SETBP1: variants seen among roughly 807,000 people sequenced by gnomAD.
The protein encoded by SETBP1 is SET-binding protein.
Under a neutral mutation model 101.0 loss-of-function variants are expected in SETBP1, and 9 were observed. The observed-to-expected ratio is 0.09, with a 90% CI of 0.05 to 0.16. The LOEUF is 0.16. SETBP1 is among the 10% of genes least tolerant of loss of function. The pLI, the probability that SETBP1 is intolerant of heterozygous loss-of-function variation, is 1.00. For synonymous variants in SETBP1, 818 were observed against 788.5 expected, an observed-to-expected ratio of 1.04 and a Z score of -0.63; for missense variants, 1,858 against 2,033.8, an observed-to-expected ratio of 0.91 and a Z score of 1.66.
intron 1 of SETBP1, among the ~76,000 whole-genome samples, chr18:44,694,489 G>A (rs894290622): frequency 6.6e-6 from 1 of 152,196 alleles, no homozygotes; most frequent in African/African-American, 2.4e-5. Context: ...TGGGATTACA[G>A]ACATGCGCCA....
intron 2 of SETBP1, among the ~76,000 whole-genome samples, chr18:44,840,428 G>A (rs927452380): frequency 2.0e-5 from 3 of 152,204 alleles, no homozygotes; most frequent in Non-Finnish European, 4.4e-5. Context: ...GCCAAGCATG[G>A]CCCACTTTTA....
intron 2 of SETBP1, among the ~76,000 whole-genome samples, chr18:44,864,705 C>T (rs771719747): frequency 3.9e-4 from 60 of 152,108 alleles, no homozygotes; most frequent in Non-Finnish European, 7.5e-4. Flanking sequence ...CGCACCCTCT[C>T]GACCCTCTAG....
rs1179725926 is a variant in SETBP1, at chr18:44,967,878, A to G, written c.4000+14538A>G. ...CACACCTTCTGGCTTTGCACATGCC[A>G]TTTCTCTCTCTCAGAACACCTTGCA... On this transcript the variant is annotated intron_variant, in intron 4 of 5. Coordinates refer to ENST00000649279, the MANE Select transcript of SETBP1 (RefSeq NM_015559.3). 5.9e-5 allele frequency among the ~76,000 whole-genome samples: 9 copies of G among 152,134 alleles called. No individual in the cohort carries two copies. In the East Asian group the frequency reaches 1.7e-3, roughly 29 times the overall value.
intron 1 of SETBP1, among the ~76,000 whole-genome samples, chr18:44,696,567 T>A (rs764093176): frequency 4.6e-5 from 7 of 152,228 alleles, no homozygotes; most frequent in African/African-American, 1.7e-4. Flanking sequence ...CTGGAACTTA[T>A]TTGGGTATAA....
Position 44,952,066 on chromosome 18 carries a change from C to G in SETBP1, c.2726C>G (p.Thr909Ser). The G allele has an allele frequency of 6.2e-7, 1 of 1,614,114 alleles. No homozygotes were observed. Among genetic ancestry groups the G allele is most frequent in the Non-Finnish European group, 8.5e-7 (1 of 1,180,020 alleles). Residue 909 changes from threonine (T) to serine (S), a missense_variant, in exon 4 of 6, where the codon ACC becomes AGC. Transcript: ENST00000649279. The part of the protein sequence containing the change: ...LDNPEAIPSD[T>S]STKNRHGHRQ... ...AACCCGGAGGCCATTCCGTCCGACA[C>G]CAGCACAAAGAACCGGCATGGCCAC...
intron 3 of SETBP1, among the ~76,000 whole-genome samples, chr18:44,937,900 T>G (rs1489884572): frequency 6.6e-6 from 1 of 152,206 alleles, no homozygotes; most frequent in African/African-American, 2.4e-5. Flanking sequence ...CGTCCCATAG[T>G]TGAAGTGTGG....
intron 3 of SETBP1, among the ~76,000 whole-genome samples, chr18:44,943,102 T>C (rs1225846056): frequency 6.6e-6 from 1 of 152,174 alleles, no homozygotes; most frequent in Non-Finnish European, 1.5e-5. Context: ...CAGTAGCAAA[T>C]GCAGGAATGA....
rs374079184 is a variant in SETBP1 at position 45,052,363 on chromosome 18, G to A, written c.4172-10716G>A. Reference sequence around the variant, plus strand: ...ACTTAATTGGACTTTTAAAGAATGGGTGGAATATACAAAGATATGAAGTGT... The same window carrying A: ...ACTTAATTGGACTTTTAAAGAATGGATGGAATATACAAAGATATGAAGTGT... On this transcript the variant is annotated intron_variant, in intron 5 of 5. Coordinates refer to ENST00000649279, the MANE Select transcript of SETBP1 (RefSeq NM_015559.3). Among the ~76,000 whole-genome samples the A allele has an allele frequency of 1.1e-4, 16 of 152,198 alleles. 1 individual carries two copies. Among genetic ancestry groups the A allele is most frequent in the African/African-American group, 3.9e-4 (16 of 41,444 alleles).
intron 2 of SETBP1, among the ~76,000 whole-genome samples, chr18:44,720,057 G>A (rs916551652): frequency 1.3e-5 from 2 of 152,190 alleles, no homozygotes; most frequent in South Asian, 2.1e-4. Context: ...GCATGTTAGA[G>A]AGAGTGCACT....
At chr18:44,989,483 G>T (rs2072308994) in intron 4 of SETBP1, among the ~76,000 whole-genome samples, 1 of 152,022 alleles carries the variant, frequency 6.6e-6, no homozygotes, top group Admixed American at 6.6e-5. Context: ...ACATTTTATT[G>T]ACGCTCCAGA....
intron 3 of SETBP1, among the ~76,000 whole-genome samples, chr18:44,888,655 T>C (rs569614394): frequency 2.0e-3 from 305 of 152,254 alleles, no homozygotes; most frequent in Non-Finnish European, 3.3e-3. Context: ...TGTGGCCTTA[T>C]ATGAGCAGTG....
chr18:44,701,284 C>T lies in SETBP1; in HGVS notation c.-63C>T. On this transcript the variant is annotated 5_prime_UTR_variant, in exon 2 of 6. Transcript: ENST00000649279. ...GAATTTTGGGTGTCCTCTTTTCTCA[C>T]CTTTCCCTTTTCCCTTTTCCCCTTC... 1 of 1,450,328 alleles carries T rather than the reference C, an allele frequency of 6.9e-7. No individual in the cohort carries two copies. The allele number at this position is 1,450,328 out of a possible 1,614,324, so 89.8% of individuals were successfully genotyped here. A position where few individuals can be genotyped will look rare whatever the true frequency, so the allele number is the denominator to read the frequency against.
chr18:45,052,732 A>T (rs889061834), intron 5 of SETBP1, among the ~76,000 whole-genome samples: 4 of 152,196 alleles, frequency 2.6e-5, no homozygotes, highest in African/African-American at 9.6e-5. Context: ...GGAGAATACA[A>T]AGATAGTTAA....
chr18:44,876,880 G>A, intron 3 of SETBP1: 1 of 1,394,492 alleles, frequency 7.2e-7, no homozygotes, highest in Non-Finnish European at 9.3e-7. Context: ...TTCTCTGCCT[G>A]CTAGCTAGAC....
chr18:44,993,813 T>C (rs1234175048), intron 4 of SETBP1, among the ~76,000 whole-genome samples: 1 of 152,026 alleles, frequency 6.6e-6, no homozygotes, highest in Non-Finnish European at 1.5e-5. Context: ...CTAAGATCTC[T>C]TAAAGAAGAA....
intron 2 of SETBP1, among the ~76,000 whole-genome samples, chr18:44,720,884 A>G (rs2069571733): frequency 6.6e-6 from 1 of 151,560 alleles, no homozygotes; most frequent in African/African-American, 2.4e-5. Flanking sequence ...GCACTAAGAA[A>G]GCAATGGAGC....
rs115545847 is a variant in SETBP1 at position 44,767,620 on chromosome 18, G to A, written c.486+65788G>A. Among the ~76,000 whole-genome samples the A allele has an allele frequency of 6.6e-3, 998 of 152,298 alleles. 11 individuals carry two copies. Among genetic ancestry groups the A allele is most frequent in the African/African-American group, 0.023 (944 of 41,564 alleles). On this transcript the variant is annotated intron_variant, in intron 2 of 5. Coordinates refer to ENST00000649279, the MANE Select transcript of SETBP1 (RefSeq NM_015559.3). ...GTAAATTGCATTAAATGTGATATGC[G>A]TTATTAGCTTCATGTTTGTGATTAG...
chr18:44,863,437 A>G (rs2069058434), intron 2 of SETBP1, among the ~76,000 whole-genome samples: 1 of 152,220 alleles, frequency 6.6e-6, no homozygotes, highest in Admixed American at 6.5e-5. Flanking sequence ...CCCTGCACAC[A>G]TATGATTAGA....
chr18:44,854,805 C>T (rs1352333739), intron 2 of SETBP1, among the ~76,000 whole-genome samples: 2 of 152,176 alleles, frequency 1.3e-5, no homozygotes, highest in Non-Finnish European at 2.9e-5. Context: ...CCATATCTCT[C>T]AGAGTCATTC....
Sources: gnomAD v4.1 joint callset for allele counts (sites outside exome capture counted in the v4.1 genomes callset) on GRCh38, gnomAD v4.1.1 for gene constraint, MANE v1.5 for transcripts, NCBI Gene and HGNC (gene_info 2026-07-23, HGNC 2026-07-21) for gene names.